Variants in HYCC2 observed in about 807,000 individuals in gnomAD.
HYCC2 encodes hyccin PI4KA lipid kinase complex subunit 2.
the HYCC2 span, among the ~76,000 whole-genome samples, chr2:201,008,053 G>A: frequency 1.3e-5 from 2 of 152,254 alleles, no homozygotes; most frequent in South Asian, 4.1e-4. Context: ...AACCATAACT[G>A]TGAGTATAAT....
chr2:201,036,513 C>A, the HYCC2 span, among the ~76,000 whole-genome samples: 1,091 of 152,234 alleles, frequency 7.2e-3, 16 homozygotes, highest in African/African-American at 0.025. Context: ...ACTGGCAAAC[C>A]GAATCCAGCA....
At chr2:200,990,488 G>C in the HYCC2 span, among the ~76,000 whole-genome samples, 3 of 151,944 alleles carry the variant, frequency 2.0e-5, no homozygotes, top group Non-Finnish European at 4.4e-5. Flanking sequence ...TGCAACCTCT[G>C]CCTCCCAGGT....
chr2:201,063,489 T>C, the HYCC2 span: 938 of 1,592,292 alleles, frequency 5.9e-4, no homozygotes, highest in Non-Finnish European at 7.6e-4. Flanking sequence ...ATTGAAGTGA[T>C]TGAAATCATG....
At chr2:201,063,759 G>A in the HYCC2 span, 3 of 1,588,708 alleles carry the variant, frequency 1.9e-6, no homozygotes, top group African/African-American at 1.3e-5. Flanking sequence ...AACTTCAGTG[G>A]TCATGGTGGC....
chr2:201,043,832 C>G, the HYCC2 span, among the ~76,000 whole-genome samples: 1 of 152,106 alleles, frequency 6.6e-6, no homozygotes, highest in East Asian at 1.9e-4. Context: ...TAACCAGGCA[C>G]AGCACTCTTA....
chr2:201,022,792 T>C, the HYCC2 span: 3 of 1,281,802 alleles, frequency 2.3e-6, no homozygotes, highest in Non-Finnish European at 3.3e-6. Context: ...ACATATTTCA[T>C]TTCACTATGT....
At chr2:201,038,845 G>A in the HYCC2 span, among the ~76,000 whole-genome samples, 9 of 151,598 alleles carry the variant, frequency 5.9e-5, no homozygotes, top group African/African-American at 2.2e-4. Context: ...GTATACATAC[G>A]TAACAAACCT....
the HYCC2 span, among the ~76,000 whole-genome samples, chr2:201,004,627 T>C: frequency 6.6e-6 from 1 of 152,148 alleles, no homozygotes; most frequent in Admixed American, 6.5e-5. Context: ...AGATTGTGGA[T>C]CAAATGCTCA....
At chr2:200,988,218 ATT>A in the HYCC2 span, 2 of 1,527,174 alleles carry the variant, frequency 1.3e-6, no homozygotes, top group Admixed American at 4.1e-5. Context: ...ACAGTGATAA[ATT>A]TACTTGACTC....
At chr2:200,986,290 T>G in the HYCC2 span, among the ~76,000 whole-genome samples, 1 of 152,194 alleles carries the variant, frequency 6.6e-6, no homozygotes, top group Non-Finnish European at 1.5e-5. Flanking sequence ...CTGAGCATGC[T>G]CAAATTTCTA....
At chr2:201,035,651 G>C in the HYCC2 span, among the ~76,000 whole-genome samples, 1 of 152,168 alleles carries the variant, frequency 6.6e-6, no homozygotes, top group Non-Finnish European at 1.5e-5. Context: ...GTGAGGAGCT[G>C]CGTTCCTTTG....
chr2:201,020,001 A>G, the HYCC2 span, among the ~76,000 whole-genome samples: 1 of 151,566 alleles, frequency 6.6e-6, no homozygotes, highest in African/African-American at 2.4e-5. Context: ...GGAGGATCAC[A>G]TGAGTCCAGG....
At chr2:201,009,852 C>T in the HYCC2 span, among the ~76,000 whole-genome samples, 2 of 151,506 alleles carry the variant, frequency 1.3e-5, no homozygotes, top group South Asian at 2.1e-4. Context: ...GCCTGTAATC[C>T]CAGCACTTCG....
chr2:201,032,765 TCCTG>T, the HYCC2 span, among the ~76,000 whole-genome samples: 1 of 152,170 alleles, frequency 6.6e-6, no homozygotes. Flanking sequence ...CAGTTGATCC[TCCTG>T]CCTCAGCCTC....
chr2:201,044,507 T>G, the HYCC2 span, among the ~76,000 whole-genome samples: 1 of 152,242 alleles, frequency 6.6e-6, no homozygotes, highest in Admixed American at 6.5e-5. Context: ...ACAGTTTTTG[T>G]CCAAGCTCTC....
chr2:201,070,639 C>A, the HYCC2 span, among the ~76,000 whole-genome samples: 1 of 151,246 alleles, frequency 6.6e-6, no homozygotes, highest in Non-Finnish European at 1.5e-5. Flanking sequence ...GCAACAACAG[C>A]GAAACTCCGT....
At chr2:201,055,489 A>G in the HYCC2 span, among the ~76,000 whole-genome samples, 1 of 151,356 alleles carries the variant, frequency 6.6e-6, no homozygotes, top group Non-Finnish European at 1.5e-5. Flanking sequence ...ATTTGAGCCC[A>G]GGAGTTTGAG....
the HYCC2 span, among the ~76,000 whole-genome samples, chr2:201,013,547 C>G: frequency 0.029 from 4,310 of 150,818 alleles, 215 homozygotes; most frequent in African/African-American, 0.1. Context: ...CCCCAAAGAA[C>G]TTCCGTATAG....
the HYCC2 span, chr2:201,063,489 T>A: frequency 6.3e-7 from 1 of 1,592,416 alleles, no homozygotes; most frequent in Non-Finnish European, 8.5e-7. Flanking sequence ...ATTGAAGTGA[T>A]TGAAATCATG....
Sources: allele counts gnomAD v4.1 joint callset (sites outside exome capture counted in the v4.1 genomes callset), GRCh38; gene constraint gnomAD v4.1.1; transcripts MANE v1.5; gene names NCBI Gene and HGNC (gene_info 2026-07-23, HGNC 2026-07-21).